PPDPFL: variants seen among roughly 807,000 people sequenced by gnomAD.
The protein encoded by PPDPFL is pancreatic progenitor cell differentiation and proliferation factor like, also known as pancreatic progenitor cell differentiation and proliferation factor-like protein.
PPDPFL carries 12 observed loss-of-function variants against 12.6 expected under a neutral mutation model. The observed-to-expected ratio is 0.95, with a 90% CI of 0.61 to 1.54. The LOEUF (loss-of-function observed/expected upper bound fraction) is 1.54, where lower values mean the gene tolerates loss of function less well. PPDPFL is among the 40% of genes most tolerant of loss of function. The pLI, the probability that PPDPFL is intolerant of heterozygous loss-of-function variation, is 0.00. For synonymous variants in PPDPFL, 24 were observed against 32.7 expected (o/e 0.73, Z 0.91); for missense variants, 114 against 96.0 (o/e 1.19, Z -0.78).
chr8:49,063,715 A>C (rs1183442632), intron 1 of PPDPFL, among the ~76,000 whole-genome samples: 2 of 147,688 alleles, frequency 1.4e-5, no homozygotes, highest in East Asian at 4.7e-4. Context: ...GAGACCCTGA[A>C]AAAAAAAAGT....
At chr8:49,070,654 AGAG>A (rs745931727), upstream of PPDPFL, among the ~76,000 whole-genome samples, 160 of 152,312 alleles carry the variant, frequency 1.1e-3, 1 homozygote, top group Non-Finnish European at 1.9e-3. Context: ...GAGAGGGAGA[AGAG>A]GCCTAAATAA....
intron 1 of PPDPFL, among the ~76,000 whole-genome samples, chr8:49,057,846 A>G (rs1483273449): frequency 6.6e-6 from 1 of 152,224 alleles, no homozygotes; most frequent in Non-Finnish European, 1.5e-5. Context: ...ATGTACAATC[A>G]GAGATTAACT....
intron 1 of PPDPFL, among the ~76,000 whole-genome samples, chr8:49,057,838 G>A (rs1387927432): frequency 1.3e-5 from 2 of 152,114 alleles, no homozygotes; most frequent in African/African-American, 2.4e-5. Flanking sequence ...GATGTCTAAT[G>A]TACAATCAGA....
chr8:49,067,324 G>T (rs558446643), intron 1 of PPDPFL, among the ~76,000 whole-genome samples: 15 of 152,290 alleles, frequency 9.8e-5, no homozygotes, highest in African/African-American at 3.6e-4. Flanking sequence ...ATATTCATTT[G>T]CAGCATTAGT....
intron 1 of PPDPFL, among the ~76,000 whole-genome samples, chr8:49,058,222 T>C (rs1157715054): frequency 6.6e-6 from 1 of 152,236 alleles, no homozygotes; most frequent in Non-Finnish European, 1.5e-5. Context: ...ATCTTGAGGT[T>C]ACATTTCTTC....
intron 4 of PPDPFL, chr8:49,074,576 T>G (rs1427268863): frequency 1.3e-6 from 2 of 1,536,296 alleles, no homozygotes; most frequent in South Asian, 2.4e-5. Flanking sequence ...AGAAGTCATA[T>G]GCCAAACTGT....
upstream of PPDPFL, among the ~76,000 whole-genome samples, chr8:49,071,004 T>G (rs545789281): frequency 6.6e-6 from 1 of 152,250 alleles, no homozygotes; most frequent in East Asian, 1.9e-4. Context: ...TAACTGCAGC[T>G]TTTGTACCCT....
Position 49,074,314 on chromosome 8 carries a change from A to G in PPDPFL, c.214A>G (p.Lys72Glu). The G allele has an allele frequency of 6.2e-7, 1 of 1,613,994 alleles. No individual in the cohort carries two copies. The highest frequency in any genetic ancestry group is 1.3e-5 in the African/African-American group (1 of 75,068). ...SEPVLSNVRIKDLSATGLQMS... is the reference protein window; with the variant it reads ...SEPVLSNVRIEDLSATGLQMS... ...ACCTGTGCTTTCAAATGTGAGAATA[A>G]AAGATCTGTCTGCTACTGGGTGAGT... The change falls in exon 4 of 5, where the codon AAA becomes GAA. Residue 72 changes from lysine to glutamate, a missense_variant. Physicochemically the swap from Lys to Glu is moderately conservative, Grantham distance 56 (BLOSUM62 1). Coordinates refer to ENST00000522267, the MANE Select transcript of PPDPFL (RefSeq NM_001256597.2).
chr8:49,075,051 TG>T, intron 4 of PPDPFL, 100 bp from the exon 5 acceptor site: 2 of 1,503,464 alleles, frequency 1.3e-6, no homozygotes, highest in Non-Finnish European at 1.8e-6. Flanking sequence ...GTTGGAAAGA[TG>T]TTTTCTTGAC....
intron 1 of PPDPFL, among the ~76,000 whole-genome samples, chr8:49,058,836 G>T (rs7820270): frequency 0.37 from 56,633 of 151,946 alleles, 10,679 homozygotes; most frequent in African/African-American, 0.41. Flanking sequence ...CTCCTCAGAG[G>T]GCTGAGCGCC....
intron 1 of PPDPFL, among the ~76,000 whole-genome samples, chr8:49,056,270 C>A (rs950861885): frequency 1.3e-5 from 2 of 152,124 alleles, no homozygotes; most frequent in African/African-American, 4.8e-5. Flanking sequence ...ATTTAGAGCA[C>A]CCTTCCTTGC....
upstream of PPDPFL, among the ~76,000 whole-genome samples, chr8:49,072,171 G>A (rs1289160937): frequency 6.6e-6 from 1 of 152,246 alleles, no homozygotes; most frequent in Non-Finnish European, 1.5e-5. Flanking sequence ...AGCCAAACTT[G>A]GCAGGCTGCT....
chr8:49,074,075 A>G lies in PPDPFL; in HGVS notation c.72A>G (p.Ser24=). The G allele has an allele frequency of 6.2e-7, 1 of 1,611,864 alleles. No individual in the cohort carries two copies. Among genetic ancestry groups the G allele is most frequent in the Non-Finnish European group, 8.5e-7 (1 of 1,178,210 alleles). The change falls in exon 3 of 5, where the codon TCA becomes TCG. Residue 24 remains serine, a synonymous_variant. Transcript: ENST00000522267. ...NQYYRKSSVS[S]VSSLTSSDSV... is the part of the protein sequence containing the mutation. ...TTCCTACAGAGTCCAGTGTTTCTTC[A>G]GTTAGTTCTTTAACTAGCTCTGATT...
intron 1 of PPDPFL, among the ~76,000 whole-genome samples, chr8:49,060,372 G>A (rs1808179255): frequency 6.6e-6 from 1 of 152,052 alleles, no homozygotes; most frequent in Non-Finnish European, 1.5e-5. Flanking sequence ...GGAGTGTAAT[G>A]GCAGGATCTC....
rs966886638 is a variant in PPDPFL, at chr8:49,075,443, G to A, written c.*270G>A. 1.5e-4 allele frequency: 98 copies of A among 640,024 alleles called. No individual in the cohort carries two copies. Among genetic ancestry groups the A allele is most frequent in the Admixed American group, 4.2e-4 (16 of 38,160 alleles). 39.6% of individuals were successfully genotyped at this position (640,024 alleles called of 1,614,324 possible). On this transcript the variant is annotated 3_prime_UTR_variant, in exon 5 of 5. Coordinates refer to ENST00000522267, the MANE Select transcript of PPDPFL (RefSeq NM_001256597.2). ...CATTTTTCTCAACACAAAGACTATC[G>A]CTGGAAGTGGCACTTGCTACCTGGT...
Position 49,062,698 on chromosome 8 carries a change from G to T in PPDPFL, c.-45+8329G>T, listed in dbSNP as rs575051792. On this transcript the variant is annotated intron_variant, in intron 1 of 4. Coordinates refer to the PPDPFL transcript ENST00000517663. ...GCAATTGTCATGAGTGGTAAGGTCA[G>T]AATAGCAGCACAGGATGCCCTGCAC... Among the ~76,000 whole-genome samples the T allele has an allele frequency of 4.6e-5, 7 of 152,310 alleles. No homozygotes were observed. The South Asian group carries it at 1.5e-3, about 32-fold the overall frequency.
intron 2 of PPDPFL, 86 bp from the exon 3 acceptor site, chr8:49,073,973 T>C (rs1351755486): frequency 3.5e-6 from 3 of 856,308 alleles, no homozygotes; most frequent in Non-Finnish European, 5.8e-6. Context: ...CAAACCATGC[T>C]ACTTGACAGT....
intron 1 of PPDPFL, among the ~76,000 whole-genome samples, chr8:49,059,320 A>G (rs954124682): frequency 6.6e-6 from 1 of 152,154 alleles, no homozygotes; most frequent in African/African-American, 2.4e-5. Context: ...AAAGAGGGAT[A>G]ACGCTATAGT....
chr8:49,060,062 T>C (rs551084957), intron 1 of PPDPFL, among the ~76,000 whole-genome samples: 1 of 152,330 alleles, frequency 6.6e-6, no homozygotes, highest in South Asian at 2.1e-4. Context: ...GAAAGAACAC[T>C]GTAGTTGAAC....
Sources: gnomAD v4.1 joint callset for allele counts (sites outside exome capture counted in the v4.1 genomes callset) on GRCh38, gnomAD v4.1.1 for gene constraint, MANE v1.5 for transcripts, NCBI Gene and HGNC (gene_info 2026-07-23, HGNC 2026-07-21) for gene names.